The following ATP9B variants were observed in gnomAD, a reference collection of about 807,000 sequenced individuals.
ATP9B encodes ATPase phospholipid transporting 9B.
Under a neutral mutation model 146.1 loss-of-function variants are expected in ATP9B, and 110 were observed. The ratio of observed to expected loss-of-function variants is 0.75; its 90% confidence interval spans 0.65 to 0.88. The LOEUF is 0.88. Among genes scored for constraint, ATP9B ranks in the 40% least tolerant of loss-of-function variants. ATP9B has a pLI of 0.00. For synonymous variants in ATP9B, 604 were observed against 569.7 expected, an observed-to-expected ratio of 1.06 and a Z score of -0.86; for missense variants, 1,499 against 1,496.4, an observed-to-expected ratio of 1.00 and a Z score of -0.03.
intron 7 of ATP9B, among the ~76,000 whole-genome samples, chr18:79,154,996 T>G (rs2094752342): frequency 6.6e-6 from 1 of 152,220 alleles, no homozygotes; most frequent in Non-Finnish European, 1.5e-5. Context: ...ATCCAATGAG[T>G]GTTTTCATTC....
chr18:79,071,889 G>GTTTTTTTTTTTTTTTTT (rs71161758), intron 1 of ATP9B, among the ~76,000 whole-genome samples: 1 of 91,458 alleles, frequency 1.1e-5, no homozygotes, highest in East Asian at 4.2e-4. Flanking sequence ...GTTTGGTTTT[G>GTTTTTTTTTTTTTTTTT]TTTTTTTTTT....
chr18:79,122,323 C>G (rs1454214668), intron 4 of ATP9B, among the ~76,000 whole-genome samples: 1 of 151,990 alleles, frequency 6.6e-6, no homozygotes, highest in Non-Finnish European at 1.5e-5. Flanking sequence ...TCTTCTCTTA[C>G]GTGGGAATAG....
At chr18:79,209,294 G>A (rs1245743911) in intron 10 of ATP9B, among the ~76,000 whole-genome samples, 1 of 152,194 alleles carries the variant, frequency 6.6e-6, no homozygotes, top group East Asian at 1.9e-4. Context: ...CATAGTTATT[G>A]CAGCCTGTTT....
chr18:79,202,623 T>A (rs1268225001), intron 9 of ATP9B, among the ~76,000 whole-genome samples: 1 of 152,242 alleles, frequency 6.6e-6, no homozygotes, highest in Non-Finnish European at 1.5e-5. Flanking sequence ...ATAGAACATT[T>A]TAGAGATAAT....
At chr18:79,094,797 A>G (rs1306116256) in intron 1 of ATP9B, among the ~76,000 whole-genome samples, 1 of 152,124 alleles carries the variant, frequency 6.6e-6, no homozygotes, top group Non-Finnish European at 1.5e-5. Context: ...TTGTCTTGAA[A>G]CTGTGTGTGT....
At chr18:79,336,799 A>G (rs758370239) in intron 18 of ATP9B, 88 bp downstream of exon 18, 3 of 1,372,106 alleles carry the variant, frequency 2.2e-6, no homozygotes, top group Non-Finnish European at 3.1e-6. Context: ...ATGAAATTAG[A>G]GCTGGGATCG....
chr18:79,312,583 A>G (rs539252938), intron 15 of ATP9B, among the ~76,000 whole-genome samples: 44 of 152,254 alleles, frequency 2.9e-4, no homozygotes, highest in Non-Finnish European at 2.4e-4. Flanking sequence ...CTTACGCCAC[A>G]TCTGCCTTCT....
At chr18:79,187,365 CTG>C (rs1457579131) in intron 8 of ATP9B, among the ~76,000 whole-genome samples, 4 of 152,200 alleles carry the variant, frequency 2.6e-5, no homozygotes, top group Non-Finnish European at 5.9e-5. Flanking sequence ...CACCTCCACA[CTG>C]TCCCACAGGG....
At chr18:79,249,639 C>T (rs1275468183) in intron 11 of ATP9B, among the ~76,000 whole-genome samples, 1 of 152,108 alleles carries the variant, frequency 6.6e-6, no homozygotes, top group African/African-American at 2.4e-5. Context: ...ACTAAAGTTA[C>T]CACCTTCTTT....
At chr18:79,301,298 C>T (rs1252311150) in intron 13 of ATP9B, among the ~76,000 whole-genome samples, 1 of 152,144 alleles carries the variant, frequency 6.6e-6, no homozygotes, top group Non-Finnish European at 1.5e-5. Context: ...TCCAGACCAG[C>T]CTGGCCAACA....
intron 5 of ATP9B, among the ~76,000 whole-genome samples, chr18:79,142,987 G>A (rs1306037655): frequency 6.6e-6 from 1 of 152,168 alleles, no homozygotes; most frequent in Admixed American, 6.5e-5. Flanking sequence ...TTACAAAAAT[G>A]TAAAAATTAA....
chr18:79,071,334 T>C (rs1191674555), intron 1 of ATP9B, among the ~76,000 whole-genome samples: 1 of 150,944 alleles, frequency 6.6e-6, no homozygotes, highest in African/African-American at 2.4e-5. Flanking sequence ...ATAAAACTCA[T>C]GATGATAAAG....
At chr18:79,365,803 C>T (rs566391748) in intron 26 of ATP9B, among the ~76,000 whole-genome samples, 19 of 150,746 alleles carry the variant, frequency 1.3e-4, no homozygotes, top group African/African-American at 3.9e-4. Flanking sequence ...ACTCCGTGGA[C>T]GGGGACAGCC....
chr18:79,284,786 A>G lies in ATP9B; in HGVS notation c.1411+7590A>G, dbSNP rs532149243. On this transcript the variant is annotated intron_variant, in intron 13 of 29. Coordinates refer to ENST00000426216, the MANE Select transcript of ATP9B (RefSeq NM_198531.5). ...TCCCTCCCCCCCACCCCACCCCACA[A>G]CAGTCCCCAGAGTGTGATGTTCCCC... 1.3e-4 allele frequency among the ~76,000 whole-genome samples: 17 copies of G among 128,006 alleles called. 1 individual carries two copies. In the East Asian group the frequency reaches 4.6e-3, roughly 35 times the overall value. 84.0% of individuals were successfully genotyped at this position (128,006 alleles called of 152,430 possible). A position where few individuals can be genotyped will look rare whatever the true frequency, so the allele number is the denominator to read the frequency against.
chr18:79,248,917 A>C (rs1228874553), intron 11 of ATP9B, among the ~76,000 whole-genome samples: 7 of 152,186 alleles, frequency 4.6e-5, no homozygotes, highest in Non-Finnish European at 1.0e-4. Context: ...AATCATGGAT[A>C]GGGCCTGAGA....
At chr18:79,334,229 C>T (rs933069180) in intron 17 of ATP9B, among the ~76,000 whole-genome samples, 12 of 152,030 alleles carry the variant, frequency 7.9e-5, no homozygotes, top group Non-Finnish European at 1.6e-4. Flanking sequence ...TGGTGGCAGG[C>T]GCCTGTAGTC....
intron 1 of ATP9B, among the ~76,000 whole-genome samples, chr18:79,073,835 G>A (rs761702221): frequency 2.0e-5 from 3 of 152,114 alleles, no homozygotes; most frequent in Non-Finnish European, 4.4e-5. Context: ...GCATTTTTAT[G>A]TCTGCTGCTT....
intron 11 of ATP9B, among the ~76,000 whole-genome samples, chr18:79,229,562 CAT>C (rs1163894889): frequency 2.0e-5 from 3 of 152,174 alleles, no homozygotes; most frequent in African/African-American, 7.2e-5. Context: ...TTCCATCTCA[CAT>C]GAGGCGTCTC....
intron 15 of ATP9B, among the ~76,000 whole-genome samples, chr18:79,327,509 T>TGGTTAGTGTGCTCC (rs2096756236): frequency 7.7e-6 from 1 of 129,624 alleles, no homozygotes; most frequent in African/African-American, 3.1e-5. Context: ...GTGTGCTCTC[T>TGGTTAGTGTGCTCC]CCATGGTTAG....
Sources: gnomAD v4.1 joint callset for allele counts (sites outside exome capture counted in the v4.1 genomes callset) on GRCh38, gnomAD v4.1.1 for gene constraint, MANE v1.5 for transcripts, NCBI Gene and HGNC (gene_info 2026-07-23, HGNC 2026-07-21) for gene names.